The following DLGAP2 variants were observed in gnomAD, a reference collection of about 807,000 sequenced individuals.
The protein encoded by DLGAP2 is DLG associated protein 2.
DLGAP2 carries 26 observed loss-of-function variants against 100.3 expected under a neutral mutation model. The ratio of observed to expected loss-of-function variants is 0.26; its 90% CI spans 0.19 to 0.36. The LOEUF (loss-of-function observed/expected upper bound fraction) is 0.36. DLGAP2 is among the 10% of genes least tolerant of loss of function. The pLI, the probability that DLGAP2 is intolerant of heterozygous loss-of-function variation, is 1.00. For synonymous variants in DLGAP2, 886 were observed against 630.1 expected (o/e 1.41, Z -6.08); for missense variants, 1,858 against 1,453.2 (o/e 1.28, Z -4.53).
intron 3 of DLGAP2, among the ~76,000 whole-genome samples, chr8:1,466,657 A>T (rs1276713374): frequency 6.6e-6 from 1 of 152,140 alleles, no homozygotes; most frequent in African/African-American, 2.4e-5. Context: ...TGGATTAAAG[A>T]GCTGCTGCTA....
Position 1,206,210 on chromosome 8 carries a change from G to A in DLGAP2, c.74-52641G>A, listed in dbSNP as rs79352449. On this transcript the variant is annotated intron_variant, in intron 2 of 14. Transcript: ENST00000637795. ...CAAGTGCCAGGCTGCTTGATGTTGG[G>A]GTGTTTGAGCACCACAGTCTCTTGG... is the stretch of plus-strand genomic sequence containing the variant. Among the ~76,000 whole-genome samples the A allele has an allele frequency of 6.2e-3, 948 of 152,230 alleles. 17 individuals carry two copies. The highest frequency in any genetic ancestry group is 0.022 in the African/African-American group (910 of 41,526).
intron 1 of DLGAP2, chr8:740,001 C>T (rs1351886203): frequency 6.6e-6 from 1 of 152,196 alleles, no homozygotes; most frequent in East Asian, 1.9e-4. Flanking sequence ...TGACCTGGGA[C>T]GCATCCTGCC....
chr8:1,422,018 A>G (rs896550181), intron 3 of DLGAP2, among the ~76,000 whole-genome samples: 8 of 152,148 alleles, frequency 5.3e-5, no homozygotes, highest in South Asian at 4.1e-4. Flanking sequence ...ACAGTTAGCA[A>G]TCATAATAGC....
rs12549592 is a variant in DLGAP2 at position 1,255,088 on chromosome 8, C to T, written c.74-3763C>T. The stretch of plus-strand genomic sequence containing the variant: ...CCTGCCCGGCCGCTGTGTGTGTGTC[C>T]TCTCATCCTGCCTGGGTGCTGTGTG... On this transcript the variant is annotated intron_variant, in intron 2 of 14. Transcript: ENST00000637795. 1.3e-3 allele frequency among the ~76,000 whole-genome samples: 173 copies of T among 133,314 alleles called. 1 individual carries two copies. Among genetic ancestry groups the T allele is most frequent in the African/African-American group, 4.8e-3 (150 of 31,364 alleles). The allele number at this position is 133,314 out of a possible 152,430, so 87.5% of individuals were successfully genotyped here. A position where few individuals can be genotyped will look rare whatever the true frequency, so the allele number is the denominator to read the frequency against.
At chr8:1,042,262 G>A (rs1802375945) in intron 2 of DLGAP2, among the ~76,000 whole-genome samples, 1 of 152,222 alleles carries the variant, frequency 6.6e-6, no homozygotes, top group South Asian at 2.1e-4. Flanking sequence ...TTGGGGCACA[G>A]CCTTGTTTTG....
At chr8:821,049 C>G (rs1796575101) in intron 1 of DLGAP2, among the ~76,000 whole-genome samples, 1 of 152,180 alleles carries the variant, frequency 6.6e-6, no homozygotes, top group African/African-American at 2.4e-5. Flanking sequence ...TTACAGGAAA[C>G]CAACGGTTGA....
chr8:1,614,792 C>T (rs148167310), intron 6 of DLGAP2, among the ~76,000 whole-genome samples: 47 of 152,366 alleles, frequency 3.1e-4, no homozygotes, highest in African/African-American at 1.1e-3. Context: ...AAGAAACACT[C>T]ATACAGATGA....
At chr8:1,512,415 G>A (rs972381701) in intron 4 of DLGAP2, among the ~76,000 whole-genome samples, 3 of 152,194 alleles carry the variant, frequency 2.0e-5, no homozygotes, top group African/African-American at 4.8e-5. Context: ...GCGGCATAGG[G>A]ACGGGGCCAG....
chr8:971,879 C>G (rs1800023585), intron 2 of DLGAP2, among the ~76,000 whole-genome samples: 1 of 152,104 alleles, frequency 6.6e-6, no homozygotes, highest in Non-Finnish European at 1.5e-5. Context: ...CTAAGAAGCA[C>G]TTGTGATGGT....
At chr8:889,236 C>T (rs1995444) in intron 1 of DLGAP2, among the ~76,000 whole-genome samples, 13,207 of 152,200 alleles carry the variant, frequency 0.087, 743 homozygotes, top group Admixed American at 0.14. Flanking sequence ...TGGATGTGTA[C>T]GTGCAGGTCA....
chr8:1,533,269 T>C (rs977095532), intron 4 of DLGAP2, among the ~76,000 whole-genome samples: 7 of 151,664 alleles, frequency 4.6e-5, no homozygotes, highest in African/African-American at 1.2e-4. Flanking sequence ...GAGGCCGAGG[T>C]GGGCAGATCA....
At chr8:1,357,470 C>G (rs931066133) in intron 3 of DLGAP2, among the ~76,000 whole-genome samples, 1 of 149,862 alleles carries the variant, frequency 6.7e-6, no homozygotes, top group Non-Finnish European at 1.5e-5. Flanking sequence ...GTCTAATGTA[C>G]AGTGACTGCT....
At chr8:1,566,872 C>T (rs1285146550) in intron 6 of DLGAP2, among the ~76,000 whole-genome samples, 1 of 152,244 alleles carries the variant, frequency 6.6e-6, no homozygotes, top group Non-Finnish European at 1.5e-5. Context: ...CAAATCCGAA[C>T]TCTATCATTG....
chr8:1,213,249 A>G (rs1225484024), intron 2 of DLGAP2, among the ~76,000 whole-genome samples: 1 of 152,204 alleles, frequency 6.6e-6, no homozygotes, highest in East Asian at 1.9e-4. Context: ...TCTGCAAGTC[A>G]ACAACAGGCT....
At chr8:1,364,918 A>T (rs1254358727) in intron 3 of DLGAP2, among the ~76,000 whole-genome samples, 1 of 152,118 alleles carries the variant, frequency 6.6e-6, no homozygotes, top group Non-Finnish European at 1.5e-5. Context: ...TAAAACTTGG[A>T]ACAGCAGCGA....
In DLGAP2 at chr8:1,701,422, C is replaced by T. The variant is rs954515363; in HGVS notation, c.*16C>T. On this transcript the variant is annotated 3_prime_UTR_variant, in exon 15 of 15. Transcript: ENST00000637795. ...CCGGCTCTGAGGGCGGAGGCCGGCG[C>T]CTTCCCCTCGTCGCTTCCGCTTTCC... 1.9e-6 allele frequency: 3 copies of T among 1,567,008 alleles called. No homozygotes were observed. The highest frequency in any genetic ancestry group is 2.6e-6 in the Non-Finnish European group (3 of 1,157,640).
intron 2 of DLGAP2, among the ~76,000 whole-genome samples, chr8:1,162,533 G>C (rs1292102588): frequency 6.6e-6 from 1 of 152,162 alleles, no homozygotes; most frequent in Non-Finnish European, 1.5e-5. Flanking sequence ...GTTTTAAAAT[G>C]ATCAAAATAT....
intron 6 of DLGAP2, among the ~76,000 whole-genome samples, chr8:1,598,763 T>A (rs887724716): frequency 6.6e-6 from 1 of 152,200 alleles, no homozygotes; most frequent in African/African-American, 2.4e-5. Flanking sequence ...GTTTTCTTCT[T>A]TAATAGTCTG....
At chr8:1,644,181 G>T (rs936971428) in intron 8 of DLGAP2, among the ~76,000 whole-genome samples, 1 of 152,052 alleles carries the variant, frequency 6.6e-6, no homozygotes, top group African/African-American at 2.4e-5. Flanking sequence ...TGCCTCCTCA[G>T]CCTCCAGGGG....
Sources: gnomAD v4.1 joint callset for allele counts (sites outside exome capture counted in the v4.1 genomes callset) on GRCh38, gnomAD v4.1.1 for gene constraint, MANE v1.5 for transcripts, NCBI Gene and HGNC (gene_info 2026-07-23, HGNC 2026-07-21) for gene names.